Variants in CUX1 observed in about 807,000 individuals in gnomAD.
The protein encoded by CUX1 is protein CASP.
A neutral mutation model predicts 158.8 loss-of-function variants in CUX1; 31 were observed. The ratio of observed to expected loss-of-function variants is 0.20; its 90% CI spans 0.15 to 0.26. CUX1 has a LOEUF of 0.26. Among genes scored for constraint, CUX1 ranks in the 10% least tolerant of loss-of-function variants. The pLI is 1.00. For missense variants in CUX1, 1,589 were observed against 2,014.6 expected (o/e 0.79, Z 4.04); for synonymous variants, 879 against 862.1 (o/e 1.02, Z -0.34).
chr7:101,858,432 G>A (rs1361291961), intron 1 of CUX1, among the ~76,000 whole-genome samples: 2 of 151,988 alleles, frequency 1.3e-5, no homozygotes, highest in African/African-American at 4.8e-5. Flanking sequence ...GGTCCCTCCC[G>A]CCTTCCCTGA....
intron 2 of CUX1, among the ~76,000 whole-genome samples, chr7:101,967,256 C>T (rs1811339500): frequency 1.3e-5 from 2 of 152,100 alleles, no homozygotes; most frequent in South Asian, 4.1e-4. Flanking sequence ...CTCAGGCTAT[C>T]CACCCGCCTC....
chr7:102,050,687 A>T (rs201781599), intron 3 of CUX1, among the ~76,000 whole-genome samples: 1,846 of 147,126 alleles, frequency 0.013, 21 homozygotes, highest in Non-Finnish European at 0.02. Context: ...AATTCTTTTT[A>T]TTATTATTAT....
At chr7:101,917,846 A>G (rs1188352392) in intron 2 of CUX1, among the ~76,000 whole-genome samples, 1 of 152,120 alleles carries the variant, frequency 6.6e-6, no homozygotes, top group East Asian at 1.9e-4. Context: ...AGAAAATCTT[A>G]GAGGTTTGGC....
At chr7:102,279,838 T>A (rs1554548707) in intron 18 of CUX1, among the ~76,000 whole-genome samples, 3 of 152,186 alleles carry the variant, frequency 2.0e-5, no homozygotes, top group Non-Finnish European at 2.9e-5. Flanking sequence ...CATGGGTAAC[T>A]CCATGCCCCT....
In CUX1 at chr7:102,157,732, A is replaced by C. The variant is rs547942075; in HGVS notation, c.675-828A>C. 2.5e-3 allele frequency among the ~76,000 whole-genome samples: 377 copies of C among 152,238 alleles called. 1 individual carries two copies. The highest frequency in any genetic ancestry group is 8.4e-3 in the African/African-American group (348 of 41,530). ...GAGGCGGAGGTTGCAGTGAGCCGAG[A>C]TCTCATCATTGCACTCCAGCCTGGG... On this transcript the variant is annotated intron_variant, in intron 8 of 23. Coordinates refer to ENST00000292535, the MANE Select transcript of CUX1 (RefSeq NM_181552.4).
Position 102,255,247 on chromosome 7 carries a change from G to GTCCA in CUX1, c.*6207_*6210dup, listed in dbSNP as rs1396137218. The GTCCA allele has an allele frequency of 4.1e-6, 4 of 985,290 alleles. No individual in the cohort carries two copies. The highest frequency in any genetic ancestry group is 4.8e-6 in the Non-Finnish European group (4 of 829,942). 61.0% of individuals were successfully genotyped at this position (985,290 alleles called of 1,614,324 possible). A position where few individuals can be genotyped will look rare whatever the true frequency, so the allele number is the denominator to read the frequency against. On this transcript the variant is annotated 3_prime_UTR_variant, in exon 24 of 24. Coordinates refer to ENST00000292535, the MANE Select transcript of CUX1 (RefSeq NM_181552.4). ...CCACCTTCCCTCCAAAGATAACCGT[G>GTCCA]TCCATGCCATCCGTGGCATCATCTC... is the stretch of plus-strand genomic sequence containing the variant.
At chr7:102,213,420 G>A (rs1330241203) in intron 20 of CUX1, among the ~76,000 whole-genome samples, 1 of 152,236 alleles carries the variant, frequency 6.6e-6, no homozygotes, top group Non-Finnish European at 1.5e-5. Context: ...GGCCAAGCTA[G>A]TATGGAACCA....
At position 102,254,733 on chromosome 7, in the gene CUX1, C is replaced by T. The variant is rs1554541455; in HGVS notation, c.*5691C>T. 1.0e-6 allele frequency: 1 copy of T among 985,372 alleles called. No individual in the cohort carries two copies. The highest frequency in any genetic ancestry group is 1.2e-6 in the Non-Finnish European group (1 of 829,964). 61.0% of individuals were successfully genotyped at this position (985,372 alleles called of 1,614,324 possible). On this transcript the variant is annotated 3_prime_UTR_variant, in exon 24 of 24. Transcript: ENST00000292535. ...AGGGAAGCCTTTGTGACCACAAGGG[C>T]AGGGCTTGTGCCCTGAGTGGCGAGG... is the stretch of plus-strand genomic sequence containing the variant.
At chr7:102,015,293 T>A (rs1239028491) in intron 2 of CUX1, among the ~76,000 whole-genome samples, 1 of 152,114 alleles carries the variant, frequency 6.6e-6, no homozygotes, top group African/African-American at 2.4e-5. Context: ...AGTGGCGTGA[T>A]CTCGGCTCAC....
intron 4 of CUX1, among the ~76,000 whole-genome samples, chr7:102,095,945 A>T (rs1162083164): frequency 1.3e-5 from 2 of 152,262 alleles, no homozygotes; most frequent in African/African-American, 4.8e-5. Context: ...GATCACATTG[A>T]TGCGGAAGAA....
chr7:102,258,312 C>A (rs80231119), downstream of CUX1: 2,714 of 505,860 alleles, frequency 5.4e-3, 63 homozygotes, highest in African/African-American at 0.051. Context: ...GTCCAAAGGG[C>A]ACCTCAAGAA....
At chr7:102,280,955 G>A (rs1792022442) in intron 20 of CUX1, 2 of 1,172,104 alleles carry the variant, frequency 1.7e-6, no homozygotes, top group Non-Finnish European at 2.5e-6. Flanking sequence ...GGCTGGAGGA[G>A]CCGCCAGCCC....
chr7:102,140,163 G>A (rs1176854282), intron 8 of CUX1, among the ~76,000 whole-genome samples: 1 of 152,182 alleles, frequency 6.6e-6, no homozygotes, highest in African/African-American at 2.4e-5. Context: ...CTAAGGCTTG[G>A]CTTTGAATAA....
At chr7:102,027,030 T>C (rs1820119866) in intron 2 of CUX1, among the ~76,000 whole-genome samples, 1 of 152,082 alleles carries the variant, frequency 6.6e-6, no homozygotes, top group Non-Finnish European at 1.5e-5. Flanking sequence ...ATAAAATTTA[T>C]TGTGACTCTG....
In CUX1 at chr7:102,248,311, C is replaced by T. The variant is rs989331644; in HGVS notation, c.3888-101C>T. ...GGCACGGAGGGGCCTCCAGGCTGGA[C>T]GGAGCAGGAGCCCCAGAGAGAGGGG... On this transcript the variant is annotated intron_variant, in intron 23 of 23. Coordinates refer to ENST00000292535, the MANE Select transcript of CUX1 (RefSeq NM_181552.4). The surrounding 1 kb of genome is among the most constrained non-coding windows in gnomAD (Gnocchi z 5.8). 4 of 1,152,166 alleles carry T rather than the reference C, an allele frequency of 3.5e-6. No individual in the cohort carries two copies. The highest frequency in any genetic ancestry group is 2.7e-5 in the Admixed American group (1 of 37,446). 71.4% of individuals were successfully genotyped at this position (1,152,166 alleles called of 1,614,324 possible). A position where few individuals can be genotyped will look rare whatever the true frequency, so the allele number is the denominator to read the frequency against.
intron 2 of CUX1, among the ~76,000 whole-genome samples, chr7:101,974,387 A>G (rs1812383895): frequency 6.6e-6 from 1 of 152,170 alleles, no homozygotes; most frequent in Admixed American, 6.5e-5. Context: ...ATAACCTGTT[A>G]ATATTTTCAA....
chr7:102,021,126 C>T (rs1819286134), intron 2 of CUX1, among the ~76,000 whole-genome samples: 1 of 152,140 alleles, frequency 6.6e-6, no homozygotes, highest in Admixed American at 6.6e-5. Flanking sequence ...TGCCCTAGTG[C>T]TCTTGGAAAG....
intron 8 of CUX1, among the ~76,000 whole-genome samples, chr7:102,129,534 A>C (rs1253753691): frequency 6.6e-6 from 1 of 152,092 alleles, no homozygotes; most frequent in Non-Finnish European, 1.5e-5. Context: ...AAATACAAAA[A>C]TTAGCTGGGC....
At chr7:101,977,170 C>T (rs1361206864) in intron 2 of CUX1, among the ~76,000 whole-genome samples, 1 of 152,060 alleles carries the variant, frequency 6.6e-6, no homozygotes, top group African/African-American at 2.4e-5. Flanking sequence ...GCCTCGGCCT[C>T]CCAAAGTGCT....
Sources: gnomAD v4.1 joint callset for allele counts (sites outside exome capture counted in the v4.1 genomes callset) on GRCh38, gnomAD v4.1.1 for gene constraint, Gnocchi (gnomAD v3.1) non-coding constraint, MANE v1.5 for transcripts, NCBI Gene and HGNC (gene_info 2026-07-23, HGNC 2026-07-21) for gene names.